Variants in SYN3 observed in about 807,000 individuals in gnomAD.
SYN3 encodes the protein synapsin III.
In SYN3, 35 loss-of-function variants were observed where a neutral mutation model predicts 65.8. The observed-to-expected ratio is 0.53, with a 90% confidence interval of 0.41 to 0.70. The LOEUF is 0.70. Ranked by LOEUF, SYN3 falls within the 30% of genes least tolerant of loss-of-function variation. The probability of loss-of-function intolerance (pLI) is 0.00; values close to 1 mark genes in which losing one functional copy is unlikely to be tolerated. For missense variants in SYN3, 680 were observed against 749.0 expected, an observed-to-expected ratio of 0.91 and a Z score of 1.08; for synonymous variants, 270 against 292.9, an observed-to-expected ratio of 0.92 and a Z score of 0.80.
chr22:33,054,272 T>G (rs1445923063), intron 1 of SYN3, among the ~76,000 whole-genome samples: 1 of 152,196 alleles, frequency 6.6e-6, no homozygotes, highest in Non-Finnish European at 1.5e-5. Context: ...CCTGTCTCTA[T>G]GTGGATGTTT....
intron 1 of SYN3, among the ~76,000 whole-genome samples, chr22:33,048,095 A>G (rs1440019677): frequency 6.6e-6 from 1 of 152,104 alleles, no homozygotes; most frequent in East Asian, 1.9e-4. Flanking sequence ...ACACCTGGAC[A>G]CTAGTGGCCA....
intron 1 of SYN3, chr22:33,015,242 A>AAT (rs56343315): frequency 0.28 from 61,206 of 214,902 alleles, 12,496 homozygotes; most frequent in African/African-American, 0.32. Context: ...AAAAAAAAAA[A>AAT]CTACTGTATC....
At chr22:32,730,854 C>T (rs1294607710) in intron 6 of SYN3, among the ~76,000 whole-genome samples, 2 of 152,186 alleles carry the variant, frequency 1.3e-5, no homozygotes, top group Non-Finnish European at 2.9e-5. Flanking sequence ...AGAGTGCCCT[C>T]TCTGGTTGCA....
chr22:32,542,719 C>T (rs2058278203), intron 7 of SYN3, among the ~76,000 whole-genome samples: 1 of 151,770 alleles, frequency 6.6e-6, no homozygotes, highest in African/African-American at 2.4e-5. Context: ...GAGAGAAACT[C>T]ACACTGTTGA....
chr22:33,048,265 T>TAA (rs145395122), intron 1 of SYN3, among the ~76,000 whole-genome samples: 4 of 150,504 alleles, frequency 2.7e-5, no homozygotes, highest in South Asian at 2.1e-4. Context: ...TCATTATTGT[T>TAA]AAAAAAAAAA....
At chr22:32,902,247 T>C (rs2049780998) in intron 4 of SYN3, among the ~76,000 whole-genome samples, 1 of 152,190 alleles carries the variant, frequency 6.6e-6, no homozygotes, top group African/African-American at 2.4e-5. Flanking sequence ...TTTGAAACAA[T>C]ATGATGAGCT....
At chr22:32,562,322 G>A (rs1056180664) in intron 7 of SYN3, among the ~76,000 whole-genome samples, 3 of 152,224 alleles carry the variant, frequency 2.0e-5, no homozygotes, top group African/African-American at 7.2e-5. Flanking sequence ...TTGTCAGGCT[G>A]AGGACAGGGC....
rs117714516 is a variant in SYN3 at position 32,820,696 on chromosome 22, G to A, written c.711+44219C>T. Among the ~76,000 whole-genome samples the A allele has an allele frequency of 3.2e-4, 49 of 152,284 alleles. 1 individual carries two copies. In the East Asian group the frequency reaches 9.3e-3, roughly 29 times the overall value. ...GACCTGATTACCCCCAGGCACCAAGGAGCACCTGGGACCAAGGGGAGGTTT... is the reference window on the plus strand; with the variant it reads ...GACCTGATTACCCCCAGGCACCAAGAAGCACCTGGGACCAAGGGGAGGTTT... On this transcript the variant is annotated intron_variant, in intron 6 of 13. Coordinates refer to ENST00000358763, the MANE Select transcript of SYN3 (RefSeq NM_003490.4).
At chr22:33,009,215 T>C (rs896192182) in intron 1 of SYN3, among the ~76,000 whole-genome samples, 3 of 152,108 alleles carry the variant, frequency 2.0e-5, no homozygotes, top group African/African-American at 7.2e-5. Context: ...AAGTTTCCCA[T>C]AGTGGTTGTT....
intron 10 of SYN3, among the ~76,000 whole-genome samples, chr22:32,532,380 C>T (rs1601579995): frequency 6.6e-6 from 1 of 152,302 alleles, no homozygotes; most frequent in East Asian, 1.9e-4. Flanking sequence ...CAGGGAGCAA[C>T]TGTACAGGTC....
intron 7 of SYN3, among the ~76,000 whole-genome samples, chr22:32,554,679 A>C (rs958787563): frequency 6.6e-5 from 10 of 152,164 alleles, no homozygotes; most frequent in Non-Finnish European, 1.5e-4. Context: ...CCTAGCCAAT[A>C]GGGGAAAGAC....
At chr22:32,816,533 G>A (rs2047092032) in intron 6 of SYN3, among the ~76,000 whole-genome samples, 1 of 152,096 alleles carries the variant, frequency 6.6e-6, no homozygotes, top group Non-Finnish European at 1.5e-5. Context: ...TATTTTTGGT[G>A]AGGAGAACAG....
At chr22:32,781,047 C>G (rs2046047863) in intron 6 of SYN3, among the ~76,000 whole-genome samples, 1 of 119,332 alleles carries the variant, frequency 8.4e-6, no homozygotes, top group East Asian at 2.7e-4. Context: ...TCTTTCCCCT[C>G]CCTCCCTCCC....
intron 7 of SYN3, among the ~76,000 whole-genome samples, chr22:32,548,300 C>T (rs2058363291): frequency 6.6e-6 from 1 of 152,180 alleles, no homozygotes; most frequent in Non-Finnish European, 1.5e-5. Flanking sequence ...AGCCATCTGC[C>T]CACCTTGGCC....
At chr22:33,014,071 G>GT (rs1259382278) in intron 1 of SYN3, among the ~76,000 whole-genome samples, 12 of 88,466 alleles carry the variant, frequency 1.4e-4, no homozygotes, top group African/African-American at 7.9e-4. Flanking sequence ...TGCCCAGCTA[G>GT]TTAAAAAAAA....
chr22:32,836,804 C>T (rs893579314), intron 6 of SYN3, among the ~76,000 whole-genome samples: 1 of 152,170 alleles, frequency 6.6e-6, no homozygotes, highest in Non-Finnish European at 1.5e-5. Context: ...AAAGCCTACA[C>T]TATTTTAAAA....
chr22:32,859,548 C>T lies in SYN3; in HGVS notation c.711+5367G>A, dbSNP rs771625801. ...TCATATGGGGTTTATTGGGAACTAT[C>T]CTCCTGGCCCCACCCTGCCCCTTCT... On this transcript the variant is annotated intron_variant, in intron 6 of 13. Coordinates refer to ENST00000358763, the MANE Select transcript of SYN3 (RefSeq NM_003490.4). The T allele has an allele frequency of 2.1e-4, 172 of 819,480 alleles. 2 individuals are homozygous for T. The Middle Eastern group carries it at 4.7e-3, about 23-fold the overall frequency. 50.8% of individuals were successfully genotyped at this position (819,480 alleles called of 1,614,324 possible).
At chr22:32,691,859 C>A (rs1248246293) in intron 6 of SYN3, among the ~76,000 whole-genome samples, 1 of 151,996 alleles carries the variant, frequency 6.6e-6, no homozygotes, top group Admixed American at 6.6e-5. Flanking sequence ...TAGGCCCTCA[C>A]CACATTCTCT....
chr22:32,978,172 T>A (rs2052263813), intron 3 of SYN3, among the ~76,000 whole-genome samples: 1 of 152,212 alleles, frequency 6.6e-6, no homozygotes, highest in East Asian at 1.9e-4. Flanking sequence ...AGGCTGTTGA[T>A]GAGGAAGACT....
Sources: allele counts gnomAD v4.1 joint callset (sites outside exome capture counted in the v4.1 genomes callset), GRCh38; gene constraint gnomAD v4.1.1; transcripts MANE v1.5; gene names NCBI Gene and HGNC (gene_info 2026-07-23, HGNC 2026-07-21).